Variants in CTNND2 observed in about 807,000 individuals in gnomAD.
CTNND2 encodes the protein catenin delta-2.
CTNND2 carries 22 observed loss-of-function variants against 144.4 expected under a neutral mutation model. That is an observed-to-expected ratio of 0.15 (90% CI 0.11 to 0.22). CTNND2 has a LOEUF of 0.22. Ranked by LOEUF, CTNND2 falls within the 10% of genes least tolerant of loss-of-function variation. CTNND2 has a pLI of 1.00. For missense variants in CTNND2, 1,353 were observed against 1,618.8 expected (o/e 0.84, Z 2.82); for synonymous variants, 751 against 695.6 (o/e 1.08, Z -1.25).
chr5:11,479,876 T>C (rs1768085566), intron 3 of CTNND2, among the ~76,000 whole-genome samples: 2 of 152,184 alleles, frequency 1.3e-5, no homozygotes, highest in South Asian at 2.1e-4. Flanking sequence ...TTCTTATAAA[T>C]TGGTTAAGTT....
chr5:11,010,282 T>A (rs1237836120), intron 18 of CTNND2, among the ~76,000 whole-genome samples: 2 of 152,214 alleles, frequency 1.3e-5, no homozygotes, highest in African/African-American at 4.8e-5. Flanking sequence ...TGCTTTTTCA[T>A]CCCTATCTTA....
intron 3 of CTNND2, among the ~76,000 whole-genome samples, chr5:11,417,154 A>G (rs1761998736): frequency 6.6e-6 from 1 of 152,180 alleles, no homozygotes; most frequent in African/African-American, 2.4e-5. Context: ...GAAAGGTAAT[A>G]TTTTCCCATT....
chr5:11,510,243 AT>A lies in CTNND2; in HGVS notation c.287+54700del, dbSNP rs1771514349. 2.6e-5 allele frequency among the ~76,000 whole-genome samples: 4 copies of A among 152,048 alleles called. No individual in the cohort carries two copies. The South Asian group carries it at 8.3e-4, about 32-fold the overall frequency. ...AGGAATGAGCCACTGTCCCATACCCATTTTTTTAAGCCCTAAATTTTACTCT... is the reference window on the plus strand; with the variant it reads ...AGGAATGAGCCACTGTCCCATACCCATTTTTTAAGCCCTAAATTTTACTCT... On this transcript the variant is annotated intron_variant, in intron 3 of 21. Transcript: ENST00000304623.
At chr5:11,368,596 C>A (rs1371960838) in intron 7 of CTNND2, among the ~76,000 whole-genome samples, 1 of 152,210 alleles carries the variant, frequency 6.6e-6, no homozygotes, top group Non-Finnish European at 1.5e-5. Flanking sequence ...AGAATCATGA[C>A]AACATGGCTC....
chr5:11,845,413 A>G (rs1794686363), intron 1 of CTNND2, among the ~76,000 whole-genome samples: 1 of 152,198 alleles, frequency 6.6e-6, no homozygotes, highest in Admixed American at 6.5e-5. Flanking sequence ...ATTTGGAAAC[A>G]GAGGCATCGC....
intron 3 of CTNND2, among the ~76,000 whole-genome samples, chr5:11,479,816 C>T (rs1391809784): frequency 6.6e-6 from 1 of 151,566 alleles, no homozygotes; most frequent in Non-Finnish European, 1.5e-5. Context: ...TGAAAAGTGT[C>T]CATGTCCTTT....
At chr5:11,589,327 C>T (rs1236986160) in intron 2 of CTNND2, among the ~76,000 whole-genome samples, 15 of 140,648 alleles carry the variant, frequency 1.1e-4, no homozygotes, top group Admixed American at 1.0e-3. Context: ...ACAACAACAA[C>T]AAAAAAACAC....
Position 11,070,497 on chromosome 5 carries a change from G to A in CTNND2, c.2788+12199C>T, listed in dbSNP as rs1419846859. On this transcript the variant is annotated intron_variant, in intron 16 of 21. Coordinates refer to ENST00000304623, the MANE Select transcript of CTNND2 (RefSeq NM_001332.4). ...TACCTACAGGACAATATCATGTAGT[G>A]TAATATACATGTAATTGAATTCCCA... Among the ~76,000 whole-genome samples, 3 of 152,140 alleles carry A rather than the reference G, an allele frequency of 2.0e-5. No homozygotes were observed. In the East Asian group the frequency reaches 5.8e-4, roughly 29 times the overall value.
chr5:11,211,939 T>C (rs1738679750), intron 10 of CTNND2, among the ~76,000 whole-genome samples: 1 of 152,164 alleles, frequency 6.6e-6, no homozygotes, highest in Non-Finnish European at 1.5e-5. Flanking sequence ...ATTAAAAATA[T>C]ACTGACTTTA....
chr5:11,461,476 A>AT (rs770137650), intron 3 of CTNND2, among the ~76,000 whole-genome samples: 23 of 152,214 alleles, frequency 1.5e-4, no homozygotes, highest in East Asian at 9.6e-4. Flanking sequence ...GATATTAGAA[A>AT]TAGGCATGTC....
intron 3 of CTNND2, among the ~76,000 whole-genome samples, chr5:11,469,584 A>C (rs565161470): frequency 6.6e-6 from 1 of 152,306 alleles, no homozygotes; most frequent in South Asian, 2.1e-4. Flanking sequence ...GGGCTGACAA[A>C]GAAAGGTTCT....
intron 9 of CTNND2, among the ~76,000 whole-genome samples, chr5:11,344,384 T>A (rs954620863): frequency 1.4e-5 from 2 of 146,014 alleles, no homozygotes; most frequent in Non-Finnish European, 3.0e-5. Context: ...AAAACGAGAC[T>A]CCGTCTCAAA....
chr5:11,352,831 T>C (rs968075164), intron 8 of CTNND2, among the ~76,000 whole-genome samples: 1 of 152,206 alleles, frequency 6.6e-6, no homozygotes, highest in East Asian at 1.9e-4. Context: ...GTTATGGCGA[T>C]ATACAGCATA....
intron 16 of CTNND2, among the ~76,000 whole-genome samples, chr5:11,074,813 T>C (rs1012159168): frequency 6.6e-6 from 1 of 152,200 alleles, no homozygotes; most frequent in Non-Finnish European, 1.5e-5. Context: ...AACATTTTTA[T>C]GTCGTCCTTT....
At chr5:11,560,349 T>C (rs1776588839) in intron 3 of CTNND2, among the ~76,000 whole-genome samples, 1 of 152,230 alleles carries the variant, frequency 6.6e-6, no homozygotes, top group Admixed American at 6.5e-5. Context: ...ATTACCCTGA[T>C]CGTCAATCAC....
At chr5:11,827,899 A>T (rs1793683290) in intron 1 of CTNND2, among the ~76,000 whole-genome samples, 1 of 152,226 alleles carries the variant, frequency 6.6e-6, no homozygotes, top group Non-Finnish European at 1.5e-5. Context: ...GAAGGAACTG[A>T]ACACTTCTTA....
chr5:11,709,720 T>A (rs1785916068), intron 2 of CTNND2, among the ~76,000 whole-genome samples: 1 of 152,182 alleles, frequency 6.6e-6, no homozygotes, highest in Admixed American at 6.5e-5. Flanking sequence ...TTAAAACAAG[T>A]GCAAATGATG....
chr5:11,227,193 T>C (rs1316202622), intron 10 of CTNND2, among the ~76,000 whole-genome samples: 1 of 152,264 alleles, frequency 6.6e-6, no homozygotes, highest in Non-Finnish European at 1.5e-5. Flanking sequence ...GATTTCCTTA[T>C]TTATTTTGCA....
chr5:11,525,588 A>C (rs953857572), intron 3 of CTNND2, among the ~76,000 whole-genome samples: 2 of 152,226 alleles, frequency 1.3e-5, no homozygotes, highest in Admixed American at 1.3e-4. Flanking sequence ...CACACAGTTA[A>C]AAAGCGTTCA....
Sources: allele counts gnomAD v4.1 joint callset (sites outside exome capture counted in the v4.1 genomes callset), GRCh38; gene constraint gnomAD v4.1.1; transcripts MANE v1.5; gene names NCBI Gene and HGNC (gene_info 2026-07-23, HGNC 2026-07-21).